The following LDLRAD4 variants were observed in gnomAD, a reference collection of about 807,000 sequenced individuals.
LDLRAD4 encodes the protein low density lipoprotein receptor class A domain containing 4, also known as low-density lipoprotein receptor class A domain-containing protein 4.
Under a neutral mutation model 17.0 loss-of-function variants are expected in LDLRAD4, and 5 were observed. The ratio of observed to expected loss-of-function variants is 0.29; its 90% CI spans 0.15 to 0.62. LDLRAD4 has a LOEUF of 0.62. LDLRAD4 is among the 20% of genes least tolerant of loss of function. The probability of loss-of-function intolerance (pLI) is 0.84; values close to 1 mark genes in which losing one functional copy is unlikely to be tolerated. For missense variants in LDLRAD4, 340 were observed against 424.7 expected, an observed-to-expected ratio of 0.80 and a Z score of 1.75; for synonymous variants, 168 against 171.8, an observed-to-expected ratio of 0.98 and a Z score of 0.17.
chr18:13,243,248 G>A (rs1319558916), intron 1 of LDLRAD4, among the ~76,000 whole-genome samples: 2 of 152,212 alleles, frequency 1.3e-5, no homozygotes, highest in Non-Finnish European at 2.9e-5. Context: ...AAGGAGCTGA[G>A]TTGTCCCCGG....
intron 2 of LDLRAD4, among the ~76,000 whole-genome samples, chr18:13,431,541 G>A (rs1210149763): frequency 6.6e-6 from 1 of 152,188 alleles, no homozygotes; most frequent in Non-Finnish European, 1.5e-5. Context: ...AGGTCTGTAA[G>A]TCCGAAGCCT....
chr18:13,428,833 G>C (rs1468303677), intron 2 of LDLRAD4, among the ~76,000 whole-genome samples: 4 of 152,134 alleles, frequency 2.6e-5, no homozygotes, highest in Admixed American at 6.5e-5. Flanking sequence ...AGTGACTTTG[G>C]GTGGGAAAAT....
intron 2 of LDLRAD4, among the ~76,000 whole-genome samples, chr18:13,415,757 A>G (rs555120694): frequency 6.6e-6 from 1 of 152,294 alleles, no homozygotes; most frequent in South Asian, 2.1e-4. Context: ...AGGAAAAGCC[A>G]GGGCCTGGAG....
At chr18:13,624,532 C>G (rs1235817194) in intron 4 of LDLRAD4, among the ~76,000 whole-genome samples, 1 of 152,224 alleles carries the variant, frequency 6.6e-6, no homozygotes, top group Non-Finnish European at 1.5e-5. Flanking sequence ...CTAGGGGAGG[C>G]TAGGGGTCTG....
At position 13,263,014 on chromosome 18, in the gene LDLRAD4, T is replaced by C. The variant is rs538407027; in HGVS notation, c.-466-15091T>C. 7.4e-4 allele frequency among the ~76,000 whole-genome samples: 92 copies of C among 124,104 alleles called. 1 individual carries two copies. Among genetic ancestry groups the C allele is most frequent in the African/African-American group, 2.6e-3 (79 of 30,036 alleles). The allele number at this position is 124,104 out of a possible 152,430, so 81.4% of individuals were successfully genotyped here. ...CCCGTGCGGCTCCGTGCGTGGGGGC[T>C]GAGTCCCGTGCGGCTCTGTGTGCGT... On this transcript the variant is annotated intron_variant, in intron 1 of 5. Transcript: ENST00000399848.
At chr18:13,574,597 G>T (rs562026269) in intron 3 of LDLRAD4, among the ~76,000 whole-genome samples, 1 of 152,232 alleles carries the variant, frequency 6.6e-6, no homozygotes, top group Admixed American at 6.5e-5. Flanking sequence ...AACTTTCCTC[G>T]CTGCCTGAGA....
intron 3 of LDLRAD4, among the ~76,000 whole-genome samples, chr18:13,589,199 G>T (rs539379704): frequency 1.1e-4 from 16 of 152,178 alleles, no homozygotes; most frequent in Non-Finnish European, 1.9e-4. Flanking sequence ...CTCCTGAAGT[G>T]CTGGAATTAC....
At chr18:13,418,005 C>T (rs2089083408) in intron 2 of LDLRAD4, among the ~76,000 whole-genome samples, 1 of 152,214 alleles carries the variant, frequency 6.6e-6, no homozygotes, top group Non-Finnish European at 1.5e-5. Context: ...GAGGCTTCCC[C>T]AGCAACATGG....
At chr18:13,504,754 A>G (rs954726222) in intron 3 of LDLRAD4, among the ~76,000 whole-genome samples, 20 of 152,166 alleles carry the variant, frequency 1.3e-4, no homozygotes, top group Non-Finnish European at 1.5e-5. Context: ...TAGAATACAC[A>G]CTTTCTCTTC....
chr18:13,538,390 T>C (rs545579599), intron 3 of LDLRAD4, among the ~76,000 whole-genome samples: 4 of 152,358 alleles, frequency 2.6e-5, no homozygotes, highest in Admixed American at 2.6e-4. Flanking sequence ...CAATTCAAAA[T>C]ATTTTCCAGG....
At chr18:13,359,030 A>G (rs1173220356) in intron 1 of LDLRAD4, among the ~76,000 whole-genome samples, 1 of 152,158 alleles carries the variant, frequency 6.6e-6, no homozygotes, top group East Asian at 1.9e-4. Flanking sequence ...GCGGCTGAAA[A>G]CCAACAGAAT....
At chr18:13,563,016 G>A (rs2094557678) in intron 3 of LDLRAD4, 1 of 152,242 alleles carries the variant, frequency 6.6e-6, no homozygotes, top group Non-Finnish European at 1.5e-5. Context: ...GTAACAAATA[G>A]AGTTCTTTGT....
chr18:13,444,336 G>A (rs1198528904), intron 3 of LDLRAD4, among the ~76,000 whole-genome samples: 1 of 152,206 alleles, frequency 6.6e-6, no homozygotes, highest in Non-Finnish European at 1.5e-5. Context: ...CTCCAGGCGT[G>A]CAGGGGCTAA....
At chr18:13,262,493 TGC>T (rs1339811817) in intron 1 of LDLRAD4, among the ~76,000 whole-genome samples, 7 of 133,000 alleles carry the variant, frequency 5.3e-5, no homozygotes, top group African/African-American at 2.1e-4. Flanking sequence ...TGCGGCCCTG[TGC>T]GTGGAAACTG....
Position 13,474,747 on chromosome 18 carries a change from G to GACA in LDLRAD4, c.181+36374_181+36376dup, listed in dbSNP as rs142483102. Among the ~76,000 whole-genome samples, 28 of 152,326 alleles carry GACA rather than the reference G, an allele frequency of 1.8e-4. No individual in the cohort carries two copies. In the East Asian group the frequency reaches 4.4e-3, roughly 24 times the overall value. On this transcript the variant is annotated intron_variant, in intron 3 of 5. Transcript: ENST00000359446. ...CACCTACCTGGCACCTTGTCTCAAA[G>GACA]ACAACAACAACAAACAACAAAAGGT...
chr18:13,274,330 C>G (rs1169915231), upstream of LDLRAD4, among the ~76,000 whole-genome samples: 1 of 152,150 alleles, frequency 6.6e-6, no homozygotes, highest in Non-Finnish European at 1.5e-5. Flanking sequence ...TTGGCTGGAC[C>G]TGGGGAGGGG....
intron 2 of LDLRAD4, among the ~76,000 whole-genome samples, chr18:13,399,122 T>TG (rs776146606): frequency 1.3e-4 from 20 of 151,816 alleles, no homozygotes; most frequent in Non-Finnish European, 2.5e-4. Flanking sequence ...GCTTGAGCCT[T>TG]GGAGTTTGAG....
rs554655584 is a variant in LDLRAD4 at position 13,238,285 on chromosome 18, A to G, written c.-467+19297A>G. 2.2e-4 allele frequency among the ~76,000 whole-genome samples: 33 copies of G among 152,262 alleles called. 1 individual carries two copies. In the South Asian group the frequency reaches 6.7e-3, roughly 31 times the overall value. On this transcript the variant is annotated intron_variant, in intron 1 of 5. Transcript: ENST00000399848. ...TGGTCGTGGTTTATTGTAAAACGAG[A>G]AGGAGCCCCCTCTTAAAAACATTCT...
At chr18:13,624,877 G>A (rs1479784700) in intron 4 of LDLRAD4, among the ~76,000 whole-genome samples, 1 of 152,216 alleles carries the variant, frequency 6.6e-6, no homozygotes, top group Non-Finnish European at 1.5e-5. Context: ...CCAGGGCAAG[G>A]CGGCTGGGGA....
Sources: allele counts gnomAD v4.1 joint callset (sites outside exome capture counted in the v4.1 genomes callset), GRCh38; gene constraint gnomAD v4.1.1; transcripts MANE v1.5; gene names NCBI Gene and HGNC (gene_info 2026-07-23, HGNC 2026-07-21).